PARD3B: variants seen among roughly 807,000 people sequenced by gnomAD.
PARD3B encodes the protein partitioning defective 3 homolog B.
PARD3B carries 103 observed loss-of-function variants against 130.2 expected under a neutral mutation model. The observed-to-expected ratio is 0.79, with a 90% confidence interval of 0.67 to 0.93. PARD3B has a LOEUF of 0.93. Ranked by LOEUF, PARD3B falls within the 40% of genes least tolerant of loss-of-function variation. PARD3B has a pLI of 0.00. For synonymous variants in PARD3B, 583 were observed against 553.2 expected (o/e 1.05, Z -0.76); for missense variants, 1,609 against 1,499.2 (o/e 1.07, Z -1.21).
At chr2:204,950,837 T>G (rs1216968359) in intron 2 of PARD3B, among the ~76,000 whole-genome samples, 1 of 152,170 alleles carries the variant, frequency 6.6e-6, no homozygotes, top group Non-Finnish European at 1.5e-5. Flanking sequence ...CTGTTTTTCT[T>G]TGTTTGTTTT....
intron 18 of PARD3B, among the ~76,000 whole-genome samples, chr2:205,310,522 A>G (rs2042343146): frequency 6.6e-6 from 1 of 151,994 alleles, no homozygotes; most frequent in Non-Finnish European, 1.5e-5. Flanking sequence ...TCTGGTGACC[A>G]TCATTCTATT....
intron 1 of PARD3B, among the ~76,000 whole-genome samples, chr2:204,587,053 A>G (rs1336541387): frequency 1.3e-5 from 2 of 152,294 alleles, no homozygotes; most frequent in East Asian, 3.9e-4. Flanking sequence ...GTAAAAATGG[A>G]GTGGAAACAT....
intron 1 of PARD3B, among the ~76,000 whole-genome samples, chr2:204,617,043 G>GT (rs1314405951): frequency 6.6e-6 from 1 of 152,228 alleles, no homozygotes; most frequent in East Asian, 1.9e-4. Flanking sequence ...CCATGCCAAA[G>GT]TTTTTTCTCT....
At chr2:205,477,097 C>A (rs918818899) in intron 20 of PARD3B, among the ~76,000 whole-genome samples, 2 of 152,182 alleles carry the variant, frequency 1.3e-5, no homozygotes, top group Non-Finnish European at 2.9e-5. Flanking sequence ...GGGTTTCAAC[C>A]CTGAACATGA....
chr2:204,941,544 C>T (rs1688906804), intron 2 of PARD3B, among the ~76,000 whole-genome samples: 4 of 152,298 alleles, frequency 2.6e-5, no homozygotes, highest in South Asian at 4.1e-4. Context: ...TACTGCTGCA[C>T]CTTTCCCATG....
chr2:204,642,959 A>G (rs966680044), intron 1 of PARD3B, among the ~76,000 whole-genome samples: 2 of 150,858 alleles, frequency 1.3e-5, no homozygotes, highest in African/African-American at 4.9e-5. Context: ...TAAAAATACA[A>G]AAAAATTAGC....
intron 19 of PARD3B, among the ~76,000 whole-genome samples, chr2:205,426,810 T>A (rs572066679): frequency 6.6e-6 from 1 of 152,144 alleles, no homozygotes; most frequent in Non-Finnish European, 1.5e-5. Context: ...TAATCAATAA[T>A]CATTTAATGA....
chr2:204,596,331 T>A (rs1319663297), intron 1 of PARD3B, among the ~76,000 whole-genome samples: 4 of 152,220 alleles, frequency 2.6e-5, no homozygotes, highest in Non-Finnish European at 5.9e-5. Flanking sequence ...TTGTTTTTCT[T>A]TCATATTTTT....
At chr2:204,969,938 T>C (rs1424992107) in intron 3 of PARD3B, among the ~76,000 whole-genome samples, 1 of 152,178 alleles carries the variant, frequency 6.6e-6, no homozygotes, top group Non-Finnish European at 1.5e-5. Flanking sequence ...TGTGTGTTTG[T>C]ATGTGTAGGA....
chr2:204,648,043 T>C (rs1425631057), intron 1 of PARD3B, among the ~76,000 whole-genome samples: 1 of 151,736 alleles, frequency 6.6e-6, no homozygotes, highest in Non-Finnish European at 1.5e-5. Flanking sequence ...ATAGTAAGAC[T>C]GATCTTATTA....
intron 19 of PARD3B, among the ~76,000 whole-genome samples, chr2:205,436,703 G>A (rs2047529637): frequency 1.3e-5 from 2 of 151,910 alleles, no homozygotes; most frequent in Admixed American, 1.3e-4. Context: ...TGCCAGATTT[G>A]CTGGGTACTC....
At chr2:204,667,071 T>A (rs1211797564) in intron 1 of PARD3B, among the ~76,000 whole-genome samples, 4 of 152,096 alleles carry the variant, frequency 2.6e-5, no homozygotes. Flanking sequence ...GGAGAGAGGA[T>A]GAGGAAATGC....
At chr2:204,794,998 T>C (rs759787812) in intron 2 of PARD3B, among the ~76,000 whole-genome samples, 57 of 152,320 alleles carry the variant, frequency 3.7e-4, no homozygotes, top group Non-Finnish European at 7.9e-4. Context: ...TAAAGATTGG[T>C]GTCATTGTCC....
At chr2:205,228,092 C>T (rs1290930580) in intron 15 of PARD3B, among the ~76,000 whole-genome samples, 1 of 152,034 alleles carries the variant, frequency 6.6e-6, no homozygotes, top group Admixed American at 6.6e-5. Flanking sequence ...TATTTTTGAT[C>T]AGTTTATATT....
intron 20 of PARD3B, among the ~76,000 whole-genome samples, chr2:205,456,775 A>T (rs1221290152): frequency 6.6e-6 from 1 of 150,568 alleles, no homozygotes; most frequent in Non-Finnish European, 1.5e-5. Context: ...TAGTCATAGT[A>T]TATAATTAAA....
At chr2:205,608,470 T>C (rs2055100454) in intron 22 of PARD3B, among the ~76,000 whole-genome samples, 1 of 152,216 alleles carries the variant, frequency 6.6e-6, no homozygotes, top group Admixed American at 6.5e-5. Context: ...GACCATGGGG[T>C]AATGATATGC....
At chr2:204,846,590 T>C (rs979113224) in intron 2 of PARD3B, among the ~76,000 whole-genome samples, 3 of 151,276 alleles carry the variant, frequency 2.0e-5, no homozygotes, top group Non-Finnish European at 4.4e-5. Context: ...TAGTGTCTTA[T>C]AAGAAGAGTT....
chr2:204,715,816 G>A (rs1574793127), intron 2 of PARD3B, among the ~76,000 whole-genome samples: 1 of 152,040 alleles, frequency 6.6e-6, no homozygotes, highest in Non-Finnish European at 1.5e-5. Flanking sequence ...CCTGGTCAAC[G>A]TCCCATCCTT....
intron 2 of PARD3B, among the ~76,000 whole-genome samples, chr2:204,801,419 A>G (rs2042563384): frequency 6.6e-6 from 1 of 152,108 alleles, no homozygotes; most frequent in South Asian, 2.1e-4. Context: ...TTCCTTGAAG[A>G]GGTCCTTCAC....
Sources: gnomAD v4.1 joint callset for allele counts (sites outside exome capture counted in the v4.1 genomes callset) on GRCh38, gnomAD v4.1.1 for gene constraint, MANE v1.5 for transcripts, NCBI Gene and HGNC (gene_info 2026-07-23, HGNC 2026-07-21) for gene names.